The following ZNF131 variants were observed in gnomAD, a reference collection of about 807,000 sequenced individuals.
The protein encoded by ZNF131 is zinc finger protein 131.
ZNF131 carries 7 observed loss-of-function variants against 60.0 expected under a neutral mutation model. The observed-to-expected ratio is 0.12, with a 90% CI of 0.07 to 0.22. ZNF131 has a LOEUF of 0.22. Among genes scored for constraint, ZNF131 ranks in the 10% least tolerant of loss-of-function variants. The pLI is 1.00. For synonymous variants in ZNF131, 257 were observed against 253.2 expected (o/e 1.01, Z -0.14); for missense variants, 493 against 740.9 (o/e 0.67, Z 3.88).
At chr5:43,139,343 A>T (rs763718703) in intron 4 of ZNF131, 34 bp downstream of exon 4, 1 of 1,548,870 alleles carries the variant, frequency 6.5e-7, no homozygotes, top group Non-Finnish European at 8.7e-7. Flanking sequence ...TCAGATAGTC[A>T]TATTCAGTCA....
At position 43,139,323 on chromosome 5, in the gene ZNF131, T is replaced by G; in HGVS notation, c.371+14T>G. On this transcript the variant is annotated intron_variant, in intron 4 of 6. Transcript: ENST00000682664. The stretch of plus-strand genomic sequence containing the variant: ...CCTTGAAGTCAGGTACTTAATTTCT[T>G]TAATGGGGTTCAGATAGTCATATTC... The G allele has an allele frequency of 6.3e-7, 1 of 1,597,202 alleles. No homozygotes were observed. Among genetic ancestry groups the G allele is most frequent in the East Asian group, 2.3e-5 (1 of 44,274 alleles).
At chr5:43,139,368 G>C (rs528540759) in intron 4 of ZNF131, 59 bp downstream of exon 4, 8 of 1,434,744 alleles carry the variant, frequency 5.6e-6, no homozygotes, top group African/African-American at 1.4e-5. Context: ...CATTCTGTTA[G>C]TGAAGAACTT....
chr5:43,133,974 C>G (rs578084290), intron 3 of ZNF131, among the ~76,000 whole-genome samples: 4 of 152,146 alleles, frequency 2.6e-5, no homozygotes, highest in Admixed American at 1.3e-4. Context: ...TAATGCCAGT[C>G]CTTCTCATAG....
intron 4 of ZNF131, among the ~76,000 whole-genome samples, chr5:43,160,678 CTTTTTTTTTT>C (rs71608692): frequency 3.2e-5 from 3 of 93,032 alleles, no homozygotes; most frequent in Non-Finnish European, 6.3e-5. Context: ...TAGCTTGGAA[CTTTTTTTTTT>C]TTTTTTTTTT....
intron 3 of ZNF131, among the ~76,000 whole-genome samples, chr5:43,137,403 AAAATT>A (rs573361449): frequency 2.3e-3 from 356 of 152,344 alleles, no homozygotes; most frequent in Non-Finnish European, 3.6e-3. Flanking sequence ...GATGCAGAAA[AAAATT>A]AAATTAAAAA....
intron 4 of ZNF131, among the ~76,000 whole-genome samples, chr5:43,147,643 G>A (rs1747775030): frequency 6.6e-6 from 1 of 150,796 alleles, no homozygotes; most frequent in South Asian, 2.1e-4. Context: ...GCTGTTTCTT[G>A]AACTCCTGAC....
At chr5:43,123,622 C>T (rs978746056) in intron 3 of ZNF131, 1 of 224,514 alleles carries the variant, frequency 4.5e-6, no homozygotes, top group Non-Finnish European at 8.8e-6. Flanking sequence ...AAGTATTAAA[C>T]GTGAATTACT....
chr5:43,121,831 C>T (rs1041698318), intron 1 of ZNF131: 15 of 429,006 alleles, frequency 3.5e-5, no homozygotes, highest in African/African-American at 2.9e-4. Context: ...CCAATTAGGT[C>T]AGGCTCGGAG....
intron 4 of ZNF131, among the ~76,000 whole-genome samples, chr5:43,155,313 G>C (rs995986287): frequency 3.9e-5 from 6 of 152,178 alleles, no homozygotes; most frequent in African/African-American, 1.4e-4. Context: ...TATCAGACTG[G>C]AGAACCTCAG....
chr5:43,144,520 A>C (rs1236118352), intron 4 of ZNF131, among the ~76,000 whole-genome samples: 4 of 152,036 alleles, frequency 2.6e-5, no homozygotes, highest in African/African-American at 9.7e-5. Context: ...ATGAGCCATC[A>C]CGTCCAGTCT....
intron 4 of ZNF131, among the ~76,000 whole-genome samples, chr5:43,143,210 A>G (rs986210527): frequency 3.3e-5 from 5 of 151,828 alleles, no homozygotes; most frequent in African/African-American, 1.2e-4. Flanking sequence ...TTTAGTAGAG[A>G]TGGGGTTTTC....
chr5:43,143,347 C>G, intron 4 of ZNF131: 3 of 1,309,480 alleles, frequency 2.3e-6, no homozygotes, highest in Non-Finnish European at 1.9e-6. Context: ...GTGCAGTGAT[C>G]CAGGATGGAT....
In ZNF131 at chr5:43,176,033, A is replaced by G. The variant is rs1751533726; in HGVS notation, c.*900A>G. ...AGAAAAAGATGAGCAGCATTTAAAAATTAATGTATTTAAAATAAAGTACAG... is the reference window on the plus strand; with the variant it reads ...AGAAAAAGATGAGCAGCATTTAAAAGTTAATGTATTTAAAATAAAGTACAG... On this transcript the variant is annotated 3_prime_UTR_variant, in exon 7 of 7. Coordinates refer to ENST00000682664, the MANE Select transcript of ZNF131 (RefSeq NM_001330707.2). The G allele has an allele frequency of 6.6e-6, 1 of 152,320 alleles. No individual in the cohort carries two copies. Among genetic ancestry groups the G allele is most frequent in the South Asian group, 2.1e-4 (1 of 4,842 alleles). 9.4% of individuals were successfully genotyped at this position (152,320 alleles called of 1,614,324 possible). A position where few individuals can be genotyped will look rare whatever the true frequency, so the allele number is the denominator to read the frequency against.
chr5:43,134,653 A>G (rs1745798138), intron 3 of ZNF131, among the ~76,000 whole-genome samples: 1 of 151,660 alleles, frequency 6.6e-6, no homozygotes, highest in South Asian at 2.1e-4. Flanking sequence ...GTTGCAGGAT[A>G]CAAAATCAGC....
intron 4 of ZNF131, among the ~76,000 whole-genome samples, chr5:43,143,926 T>TCCC (rs1747206953): frequency 8.9e-6 from 1 of 112,384 alleles, no homozygotes; most frequent in Non-Finnish European, 1.9e-5. Context: ...TTTTTTTTTT[T>TCCC]TTTTTTTTTT....
At chr5:43,130,283 G>A (rs112989736) in intron 3 of ZNF131, among the ~76,000 whole-genome samples, 1,661 of 58,494 alleles carry the variant, frequency 0.028, 18 homozygotes, top group South Asian at 0.063. Context: ...AAAAAAAAAA[G>A]AGGAAAGTAG....
At chr5:43,170,154 C>T (rs1750803617) in intron 5 of ZNF131, among the ~76,000 whole-genome samples, 1 of 150,626 alleles carries the variant, frequency 6.6e-6, no homozygotes, top group South Asian at 2.1e-4. Context: ...AAAAATTATT[C>T]ATTGATAAAA....
intron 3 of ZNF131, among the ~76,000 whole-genome samples, chr5:43,136,650 C>CTTTT (rs139991070): frequency 8.2e-6 from 1 of 122,532 alleles, no homozygotes; most frequent in South Asian, 2.7e-4. Flanking sequence ...TTTTCTTTTT[C>CTTTT]TTTTTTTTTT....
At chr5:43,148,220 A>AG (rs1044968161) in intron 4 of ZNF131, among the ~76,000 whole-genome samples, 2 of 151,984 alleles carry the variant, frequency 1.3e-5, no homozygotes, top group African/African-American at 4.8e-5. Context: ...AAAAAAAAAA[A>AG]AAATTTTAAC....
Sources: gnomAD v4.1 joint callset for allele counts (sites outside exome capture counted in the v4.1 genomes callset) on GRCh38, gnomAD v4.1.1 for gene constraint, MANE v1.5 for transcripts, NCBI Gene and HGNC (gene_info 2026-07-23, HGNC 2026-07-21) for gene names.